TG: variants seen among roughly 807,000 people sequenced by gnomAD.
TG encodes the protein thyroglobulin, also known as thyroid hormones.
A neutral mutation model predicts 324.7 loss-of-function variants in TG; 270 were observed. That is an observed-to-expected ratio of 0.83 (90% CI 0.75 to 0.92). TG has a LOEUF of 0.92. TG is among the 40% of genes least tolerant of loss of function. The pLI is 0.00. For synonymous variants in TG, 1,401 were observed against 1,327.0 expected (o/e 1.06, Z -1.21); for missense variants, 3,591 against 3,456.4 (o/e 1.04, Z -0.98).
chr8:132,977,276 A>G (rs1830280127), intron 34 of TG, among the ~76,000 whole-genome samples: 1 of 152,284 alleles, frequency 6.6e-6, no homozygotes, highest in South Asian at 2.1e-4. Flanking sequence ...TGAGCCTTGC[A>G]GGATGGATAG....
chr8:133,095,216 C>T lies in TG; in HGVS notation c.7404+8C>T, dbSNP rs1361023022. ...AATGATGCCCAGACCAAGGTGAGCACTTAAGTGCAAGTTGGGAAGGGACAT... is the reference window on the plus strand; with the variant it reads ...AATGATGCCCAGACCAAGGTGAGCATTTAAGTGCAAGTTGGGAAGGGACAT... On this transcript the variant is annotated splice_region_variant and intron_variant, in intron 42 of 47. Transcript: ENST00000220616. 1.2e-6 allele frequency: 2 copies of T among 1,614,206 alleles called. No homozygotes were observed. Among genetic ancestry groups the T allele is most frequent in the Non-Finnish European group, 8.5e-7 (1 of 1,180,040 alleles).
At chr8:133,096,574 C>T (rs910779299) in intron 43 of TG, among the ~76,000 whole-genome samples, 2 of 152,182 alleles carry the variant, frequency 1.3e-5, no homozygotes, top group Admixed American at 1.3e-4. Context: ...GGCACATCCA[C>T]AAATTACAGC....
At chr8:132,961,561 G>T (rs958078222) in intron 28 of TG, among the ~76,000 whole-genome samples, 6 of 152,146 alleles carry the variant, frequency 3.9e-5, no homozygotes, top group African/African-American at 1.2e-4. Context: ...ATGTATGCTT[G>T]GCACTTCCCT....
At chr8:133,089,251 C>T (rs957228714) in intron 41 of TG, among the ~76,000 whole-genome samples, 3 of 152,202 alleles carry the variant, frequency 2.0e-5, no homozygotes, top group Non-Finnish European at 4.4e-5. Flanking sequence ...TCTTCTGTTC[C>T]GCATATGGTG....
chr8:133,125,997 A>C (rs1303419504), intron 45 of TG, among the ~76,000 whole-genome samples: 2 of 152,236 alleles, frequency 1.3e-5, no homozygotes, highest in African/African-American at 4.8e-5. Flanking sequence ...AAAAATAATA[A>C]AATGTAGAAT....
intron 4 of TG, 99 bp downstream of exon 4, chr8:132,871,650 A>T (rs878905559): frequency 8.3e-7 from 1 of 1,210,282 alleles, no homozygotes. Context: ...CGAAGTGGGC[A>T]GAGAACCAGG....
At chr8:132,973,767 T>C (rs2130570713) in intron 34 of TG, among the ~76,000 whole-genome samples, 1 of 152,304 alleles carries the variant, frequency 6.6e-6, no homozygotes, top group South Asian at 2.1e-4. Context: ...TCCAAAAAGA[T>C]GGAACACCCT....
intron 41 of TG, among the ~76,000 whole-genome samples, chr8:133,059,578 A>G (rs1282393704): frequency 3.3e-5 from 5 of 152,112 alleles, no homozygotes; most frequent in Non-Finnish European, 7.4e-5. Flanking sequence ...TCACCTTGCA[A>G]TCCCACCAAT....
rs34975986 is a variant in TG, at chr8:132,917,388, ATGTG to A, written c.4379-1970_4379-1967del. ...AGGTAGTGCATGTTTGTGCATGTAT[ATGTG>A]TGTGTGTGTGTGTGTGTATACCTGT... On this transcript the variant is annotated intron_variant, in intron 20 of 47. Coordinates refer to ENST00000220616, the MANE Select transcript of TG (RefSeq NM_003235.5). Among the ~76,000 whole-genome samples, 7 of 149,998 alleles carry A rather than the reference ATGTG, an allele frequency of 4.7e-5. 1 individual carries two copies. Among genetic ancestry groups the A allele is most frequent in the South Asian group, 4.2e-4 (2 of 4,758 alleles).
rs548490326 is a variant in TG at position 132,898,343 on chromosome 8, C to A, written c.3217+97C>A. The A allele has an allele frequency of 7.4e-6, 9 of 1,220,088 alleles. No individual in the cohort carries two copies. In the Admixed American group the frequency reaches 1.4e-4, roughly 19 times the overall value. The allele number at this position is 1,220,088 out of a possible 1,614,324, so 75.6% of individuals were successfully genotyped here. ...GCCTAACCGCTGGAGACTCCATGGC[C>A]CAGCCCTTCAGCCAGGTCCCGGGTG... is the stretch of plus-strand genomic sequence containing the variant. On this transcript the variant is annotated intron_variant, in intron 13 of 47. Coordinates refer to ENST00000220616, the MANE Select transcript of TG (RefSeq NM_003235.5).
At chr8:132,934,130 C>T (rs1295030033) in intron 24 of TG, among the ~76,000 whole-genome samples, 9 of 151,990 alleles carry the variant, frequency 5.9e-5, no homozygotes, top group African/African-American at 9.7e-5. Context: ...GTCAGGAGTT[C>T]GACACCAGCC....
chr8:133,094,485 C>CGTAT, intron 41 of TG: 1 of 178,346 alleles, frequency 5.6e-6, no homozygotes, highest in Admixed American at 5.4e-5. Context: ...TGTGATCCGC[C>CGTAT]CACCTCAGCC....
At chr8:133,118,845 G>A (rs1248623667) in intron 45 of TG, among the ~76,000 whole-genome samples, 2 of 152,220 alleles carry the variant, frequency 1.3e-5, no homozygotes, top group African/African-American at 4.8e-5. Flanking sequence ...CTGGGCAGTT[G>A]TGATTTAGTT....
At chr8:132,876,361 A>G (rs1350520483) in intron 5 of TG, among the ~76,000 whole-genome samples, 1 of 152,138 alleles carries the variant, frequency 6.6e-6, no homozygotes, top group East Asian at 1.9e-4. Flanking sequence ...TGGTTTCTGG[A>G]TGGATTCTTG....
intron 41 of TG, among the ~76,000 whole-genome samples, chr8:133,089,033 C>T (rs989840221): frequency 2.0e-5 from 3 of 152,212 alleles, no homozygotes; most frequent in Non-Finnish European, 2.9e-5. Context: ...AGCTGGCCCA[C>T]GACACCTTGG....
rs1452315055 is a variant in TG, at chr8:132,893,730, G to A, written c.2802G>A (p.Gln934=). 6.2e-7 allele frequency: 1 copy of A among 1,613,808 alleles called. No homozygotes were observed. The highest frequency in any genetic ancestry group is 2.2e-5 in the East Asian group (1 of 44,890). Reference sequence around the variant, plus strand: ...AGGAAGCAAAGCTCCGTGTACTGCAGTTCATTAGGGAAACGGAAGAGATTG... The same window carrying A: ...AGGAAGCAAAGCTCCGTGTACTGCAATTCATTAGGGAAACGGAAGAGATTG... ...SCEEAKLRVL[Q]FIRETEEIVS... Residue 934 remains glutamine (Q), a synonymous_variant, in exon 11 of 48, where the codon CAG becomes CAA. Coordinates refer to ENST00000220616, the MANE Select transcript of TG (RefSeq NM_003235.5).
chr8:132,914,913 A>G (rs555513187), intron 20 of TG, among the ~76,000 whole-genome samples: 7 of 152,134 alleles, frequency 4.6e-5, no homozygotes, highest in Non-Finnish European at 8.8e-5. Flanking sequence ...CTTGGCTTCA[A>G]CGCCAGATGC....
At chr8:132,924,986 C>G (rs1457434389) in intron 22 of TG, among the ~76,000 whole-genome samples, 1 of 152,134 alleles carries the variant, frequency 6.6e-6, no homozygotes, top group African/African-American at 2.4e-5. Context: ...TCCCTGGAGC[C>G]ACCTGCCTCT....
In TG at chr8:132,868,099, A is replaced by G. The variant is rs1839140262; in HGVS notation, c.68-16A>G. The G allele has an allele frequency of 6.2e-7, 1 of 1,612,774 alleles. No individual in the cohort carries two copies. The highest frequency in any genetic ancestry group is 8.5e-7 in the Non-Finnish European group (1 of 1,178,852). ...AGTCCACACTCTTCTTTGATGAACCACTTTTCTTTTCCTAGAGTACCAGGT... is the reference window on the plus strand; with the variant it reads ...AGTCCACACTCTTCTTTGATGAACCGCTTTTCTTTTCCTAGAGTACCAGGT... On this transcript the variant is annotated splice_polypyrimidine_tract_variant and intron_variant, in intron 1 of 47. Coordinates refer to ENST00000220616, the MANE Select transcript of TG (RefSeq NM_003235.5).
Sources: allele counts gnomAD v4.1 joint callset (sites outside exome capture counted in the v4.1 genomes callset), GRCh38; gene constraint gnomAD v4.1.1; transcripts MANE v1.5; gene names NCBI Gene and HGNC (gene_info 2026-07-23, HGNC 2026-07-21).